Variants in MDH1B observed in about 807,000 individuals in gnomAD.
MDH1B encodes the protein putative malate dehydrogenase 1B.
Under a neutral mutation model 61.4 loss-of-function variants are expected in MDH1B, and 60 were observed. That is an observed-to-expected ratio of 0.98 (90% CI 0.79 to 1.21). The LOEUF (loss-of-function observed/expected upper bound fraction) is 1.21. MDH1B is among the 50% of genes most tolerant of loss of function. The pLI is 0.00. For synonymous variants in MDH1B, 236 were observed against 218.7 expected, an observed-to-expected ratio of 1.08 and a Z score of -0.70; for missense variants, 587 against 632.1, an observed-to-expected ratio of 0.93 and a Z score of 0.76.
At chr2:206,762,590 C>T (rs1483901953) in intron 1 of MDH1B, among the ~76,000 whole-genome samples, 1 of 152,170 alleles carries the variant, frequency 6.6e-6, no homozygotes, top group Non-Finnish European at 1.5e-5. Flanking sequence ...ACAAAAAACT[C>T]ATCTCCCCCT....
At chr2:206,764,389 A>G (rs992902229) in intron 1 of MDH1B, among the ~76,000 whole-genome samples, 1 of 152,224 alleles carries the variant, frequency 6.6e-6, no homozygotes, top group Non-Finnish European at 1.5e-5. Context: ...AACAGCTTCT[A>G]TAAAAGTCAG....
chr2:206,762,983 T>C (rs991927861), intron 1 of MDH1B, among the ~76,000 whole-genome samples: 1 of 152,182 alleles, frequency 6.6e-6, no homozygotes, highest in Non-Finnish European at 1.5e-5. Context: ...TTACATATTC[T>C]TTTTGGCCAA....
In MDH1B at chr2:206,745,652, C is replaced by A; in HGVS notation, c.1378G>T (p.Asp460Tyr). 6.2e-7 allele frequency: 1 copy of A among 1,612,124 alleles called. No individual in the cohort carries two copies. The highest frequency in any genetic ancestry group is 1.1e-5 in the South Asian group (1 of 90,660). ...LIQEKLVALGDKIHFQPYQSG... is the reference protein window; with the variant it reads ...LIQEKLVALGYKIHFQPYQSG... ...TGGTATGGCTGAAAATGTATCTTGT[C>A]TCCAAGTGCAACAAGTTTCTCCTGT... Residue 460 changes from aspartate to tyrosine, a missense_variant, in exon 9 of 12, where the codon GAC becomes TAC. Asp to Tyr is a radical substitution (Grantham distance 160, BLOSUM62 -3). Coordinates refer to ENST00000374412, the MANE Select transcript of MDH1B (RefSeq NM_001039845.3).
At position 206,750,968 on chromosome 2, in the gene MDH1B, A is replaced by G; in HGVS notation, c.1018T>C (p.Tyr340His). The change falls in exon 6 of 12, where the codon TAT (tyrosine) becomes CAT (histidine). Residue 340 changes from tyrosine (Y) to histidine (H), a missense_variant. Tyr to His is a moderately conservative substitution (Grantham distance 83). Coordinates refer to ENST00000374412, the MANE Select transcript of MDH1B (RefSeq NM_001039845.3). ...ATCAAGTTTAAAACAGGGCGTGAAT[A>G]ATGAAGAGGTCCCCAAATGGCACTC... ...YESAIWGPLH[Y>H]SRPVLNLIFD... The G allele has an allele frequency of 6.2e-7, 1 of 1,611,458 alleles. No homozygotes were observed. Among genetic ancestry groups the G allele is most frequent in the Non-Finnish European group, 8.5e-7 (1 of 1,178,588 alleles).
chr2:206,753,823 C>G (rs564423104), intron 5 of MDH1B, among the ~76,000 whole-genome samples: 126 of 152,286 alleles, frequency 8.3e-4, no homozygotes, highest in African/African-American at 2.6e-3. Context: ...ATGGCACCAG[C>G]AGACCCACAA....
At chr2:206,744,948 A>AT (rs1315884911) in intron 9 of MDH1B, among the ~76,000 whole-genome samples, 10 of 115,296 alleles carry the variant, frequency 8.7e-5, no homozygotes, top group African/African-American at 3.8e-4. Context: ...ATAAATAAAT[A>AT]AAATATATAT....
intron 9 of MDH1B, among the ~76,000 whole-genome samples, chr2:206,741,733 T>G (rs1386961126): frequency 6.6e-6 from 1 of 152,178 alleles, no homozygotes; most frequent in Non-Finnish European, 1.5e-5. Flanking sequence ...GTTCTGTCCC[T>G]CTACGGAACC....
intron 4 of MDH1B, among the ~76,000 whole-genome samples, chr2:206,755,791 A>C (rs1259672795): frequency 6.6e-6 from 1 of 152,198 alleles, no homozygotes; most frequent in East Asian, 1.9e-4. Context: ...CAGAAATCAA[A>C]ATAAAAAAAC....
At chr2:206,744,584 A>G (rs180943139) in intron 9 of MDH1B, among the ~76,000 whole-genome samples, 10 of 152,240 alleles carry the variant, frequency 6.6e-5, no homozygotes, top group East Asian at 5.8e-4. Flanking sequence ...TAATAAAGTT[A>G]TCTAAAAATA....
At chr2:206,754,444 A>G (rs888547019) in intron 5 of MDH1B, among the ~76,000 whole-genome samples, 1 of 152,220 alleles carries the variant, frequency 6.6e-6, no homozygotes, top group African/African-American at 2.4e-5. Flanking sequence ...GCAGAAACCG[A>G]TCAGATATCA....
intron 5 of MDH1B, among the ~76,000 whole-genome samples, chr2:206,754,511 T>A (rs1162662028): frequency 6.6e-6 from 1 of 152,184 alleles, no homozygotes; most frequent in Admixed American, 6.5e-5. Flanking sequence ...CCATACACTC[T>A]TCTTAGCACT....
chr2:206,755,725 A>C (rs1295376569), intron 4 of MDH1B, among the ~76,000 whole-genome samples: 1 of 152,200 alleles, frequency 6.6e-6, no homozygotes, highest in Non-Finnish European at 1.5e-5. Context: ...TCAGTCCCCA[A>C]ATAAGAAATA....
intron 11 of MDH1B, among the ~76,000 whole-genome samples, chr2:206,738,918 T>C (rs1191618432): frequency 6.6e-6 from 1 of 152,220 alleles, no homozygotes; most frequent in Non-Finnish European, 1.5e-5. Context: ...TGAAATTTTG[T>C]TCATTTTATT....
intron 2 of MDH1B, among the ~76,000 whole-genome samples, chr2:206,758,727 T>C (rs1284560725): frequency 6.6e-6 from 1 of 151,774 alleles, no homozygotes; most frequent in Non-Finnish European, 1.5e-5. Flanking sequence ...GATTGCACCA[T>C]TGCACTCTAG....
chr2:206,755,380 A>C lies in MDH1B; in HGVS notation c.539T>G (p.Leu180Arg). Residue 180 changes from leucine to arginine, a missense_variant, in exon 5 of 12, where the codon CTT (leucine) becomes CGT (arginine). Physicochemically the swap from Leu to Arg is moderately radical, Grantham distance 102 (BLOSUM62 -2). Transcript: ENST00000374412. ...TGCCAGGTCTTGGGTCTCCACCACA[A>C]GGCTTTTGAGATGTTCTTCCGCCTG... is the stretch of plus-strand genomic sequence containing the variant. The part of the protein sequence containing the change: ...NKQAEEHLKS[L>R]VVETQDLASP... 1 of 1,614,190 alleles carries C rather than the reference A, an allele frequency of 6.2e-7. No homozygotes were observed. The highest frequency in any genetic ancestry group is 8.5e-7 in the Non-Finnish European group (1 of 1,180,034).
chr2:206,741,008 A>T, intron 10 of MDH1B, 46 bp downstream of exon 10: 1 of 1,610,898 alleles, frequency 6.2e-7, no homozygotes, highest in Non-Finnish European at 8.5e-7. Flanking sequence ...AATATGAGTC[A>T]CGACTATTAG....
At chr2:206,746,472 A>C (rs1435110935) in intron 7 of MDH1B, 46 bp from the exon 8 acceptor site, 10 of 1,561,306 alleles carry the variant, frequency 6.4e-6, no homozygotes, top group Non-Finnish European at 7.8e-6. Context: ...AGAACTTAGA[A>C]ACATGCACCT....
chr2:206,738,509 A>C lies in MDH1B; in HGVS notation c.1531T>G (p.Phe511Val). ...TAGGATTCCACGGTTTTGCCTTCAA[A>C]TTCTGTAAAAGGAAAAGAATGAAAA... ...KPQSLEFLNE[F>V]EGKTVES Residue 511 changes from phenylalanine (F) to valine (V), a missense_variant and splice_region_variant, in exon 12 of 12, where the codon TTT becomes GTT. Phe to Val is a conservative substitution (Grantham distance 50). Transcript: ENST00000374412. The C allele has an allele frequency of 1.3e-6, 2 of 1,584,910 alleles. No individual in the cohort carries two copies. The highest frequency in any genetic ancestry group is 1.7e-6 in the Non-Finnish European group (2 of 1,159,930).
intron 5 of MDH1B, among the ~76,000 whole-genome samples, chr2:206,754,173 G>C (rs1688617632): frequency 6.6e-6 from 1 of 152,106 alleles, no homozygotes; most frequent in African/African-American, 2.4e-5. Context: ...TAATGTTAGG[G>C]GTTCACTGAA....
Sources: allele counts gnomAD v4.1 joint callset (sites outside exome capture counted in the v4.1 genomes callset), GRCh38; gene constraint gnomAD v4.1.1; transcripts MANE v1.5; gene names NCBI Gene and HGNC (gene_info 2026-07-23, HGNC 2026-07-21).